Variants in GRIP1 observed in about 807,000 individuals in gnomAD.
The protein encoded by GRIP1 is glutamate receptor interacting protein 1, also known as glutamate receptor-interacting protein 1.
In GRIP1, 45 loss-of-function variants were observed where a neutral mutation model predicts 129.9. That is an observed-to-expected ratio of 0.35 (90% CI 0.27 to 0.44). The LOEUF (loss-of-function observed/expected upper bound fraction) is 0.44. Ranked by LOEUF, GRIP1 falls within the 20% of genes least tolerant of loss-of-function variation. GRIP1 has a pLI of 1.00. For missense variants in GRIP1, 1,196 were observed against 1,396.8 expected, an observed-to-expected ratio of 0.86 and a Z score of 2.29; for synonymous variants, 530 against 520.8, an observed-to-expected ratio of 1.02 and a Z score of -0.24.
intron 1 of GRIP1, among the ~76,000 whole-genome samples, chr12:66,926,156 A>G (rs543178843): frequency 1.6e-5 from 2 of 127,670 alleles, no homozygotes; most frequent in Admixed American, 7.6e-5. Flanking sequence ...CAAAGTCATT[A>G]CCCCACAAAG....
intron 1 of GRIP1, chr12:66,626,580 T>G (rs2030079032): frequency 6.6e-6 from 1 of 152,142 alleles, no homozygotes; most frequent in African/African-American, 2.4e-5. Context: ...TCTGAAAGCA[T>G]TTGCTTAGTT....
intron 4 of GRIP1, among the ~76,000 whole-genome samples, chr12:66,538,584 A>T (rs1227772792): frequency 1.3e-5 from 2 of 152,072 alleles, no homozygotes; most frequent in East Asian, 3.9e-4. Context: ...TGATATAATT[A>T]TTCCATTTTA....
At chr12:66,432,761 G>A (rs200425359) in intron 13 of GRIP1, 133 bp from the exon 14 acceptor site, 24,781 of 650,500 alleles carry the variant, frequency 0.038, 654 homozygotes, top group Non-Finnish European at 0.051. Flanking sequence ...TAAGATGAAG[G>A]CCTTTAAAAT....
intron 1 of GRIP1, among the ~76,000 whole-genome samples, chr12:66,959,390 T>TA (rs926261851): frequency 6.0e-5 from 9 of 151,226 alleles, no homozygotes; most frequent in East Asian, 5.8e-4. Context: ...TGAGCCAATC[T>TA]AAAAAAAAAG....
chr12:66,510,686 G>A (rs560319284), intron 7 of GRIP1, among the ~76,000 whole-genome samples: 2 of 151,838 alleles, frequency 1.3e-5, no homozygotes, highest in South Asian at 4.2e-4. Flanking sequence ...ACAGACCACT[G>A]AATTTGCTAA....
At chr12:67,037,533 T>C (rs1333651276) in intron 1 of GRIP1, 1 of 152,048 alleles carries the variant, frequency 6.6e-6, no homozygotes, top group African/African-American at 2.4e-5. Context: ...AGATTTTGAA[T>C]AAATAGAACT....
intron 1 of GRIP1, among the ~76,000 whole-genome samples, chr12:66,935,026 T>C (rs2041462022): frequency 6.6e-6 from 1 of 152,200 alleles, no homozygotes; most frequent in Non-Finnish European, 1.5e-5. Flanking sequence ...AAGGCTTGAA[T>C]CAGAAACATG....
chr12:66,545,531 CT>C (rs2061922366), intron 2 of GRIP1, among the ~76,000 whole-genome samples: 1 of 152,158 alleles, frequency 6.6e-6, no homozygotes, highest in Non-Finnish European at 1.5e-5. Flanking sequence ...CTGGAAAAAA[CT>C]TAACAAAACT....
chr12:66,911,651 A>G (rs541468537), intron 1 of GRIP1, among the ~76,000 whole-genome samples: 101 of 152,320 alleles, frequency 6.6e-4, no homozygotes, highest in South Asian at 1.4e-3. Context: ...TATGTAGATG[A>G]AATTGGATAT....
intron 1 of GRIP1, among the ~76,000 whole-genome samples, chr12:66,611,290 G>A (rs2064782429): frequency 6.6e-6 from 1 of 152,088 alleles, no homozygotes; most frequent in Admixed American, 6.6e-5. Context: ...TTCCAAGTAT[G>A]AGAGACATTA....
chr12:66,633,363 C>T (rs1380388218), intron 1 of GRIP1, among the ~76,000 whole-genome samples: 3 of 150,230 alleles, frequency 2.0e-5, no homozygotes, highest in South Asian at 2.1e-4. Flanking sequence ...GTTGCCCAGG[C>T]TGGTCTTGAA....
At chr12:66,585,105 CTTTT>C (rs143307283) in intron 2 of GRIP1, among the ~76,000 whole-genome samples, 1 of 113,028 alleles carries the variant, frequency 8.8e-6, no homozygotes, top group Non-Finnish European at 2.0e-5. Flanking sequence ...TTTTTTCCTT[CTTTT>C]TTTTTATTAT....
At chr12:66,366,057 G>T (rs2055124725) in intron 23 of GRIP1, among the ~76,000 whole-genome samples, 1 of 152,178 alleles carries the variant, frequency 6.6e-6, no homozygotes, top group Admixed American at 6.5e-5. Context: ...AAGAGAAGCA[G>T]ATCTAGCAAA....
Position 66,347,895 on chromosome 12 carries a change from A to C in GRIP1, c.*1124T>G, listed in dbSNP as rs1412769479. 6.6e-6 allele frequency: 1 copy of C among 152,136 alleles called. No individual in the cohort carries two copies. Among genetic ancestry groups the C allele is most frequent in the African/African-American group, 2.4e-5 (1 of 41,404 alleles). 9.4% of individuals were successfully genotyped at this position (152,136 alleles called of 1,614,324 possible). A position where few individuals can be genotyped will look rare whatever the true frequency, so the allele number is the denominator to read the frequency against. On this transcript the variant is annotated 3_prime_UTR_variant, in exon 25 of 25. Coordinates refer to ENST00000359742, the MANE Select transcript of GRIP1 (RefSeq NM_001366722.1). ...TGGAGAGTCTACCATCAATATACAG[A>C]TCTATTTATTTTTTTATGTTCACCA...
chr12:66,515,563 G>A, intron 7 of GRIP1, 56 bp downstream of exon 7: 1 of 1,492,486 alleles, frequency 6.7e-7, no homozygotes, highest in Non-Finnish European at 9.3e-7. Context: ...GGTTTATCAG[G>A]GACAGACAGT....
chr12:66,389,251 C>T (rs1166576630), intron 19 of GRIP1, among the ~76,000 whole-genome samples: 19 of 152,046 alleles, frequency 1.2e-4, no homozygotes, highest in Admixed American at 1.1e-3. Context: ...TTTTTTGAGA[C>T]GTAGTCTTGT....
intron 13 of GRIP1, among the ~76,000 whole-genome samples, chr12:66,433,019 G>C (rs1302098218): frequency 6.6e-6 from 1 of 152,096 alleles, no homozygotes; most frequent in Non-Finnish European, 1.5e-5. Context: ...AAGAACCTTA[G>C]GTCCTATTAT....
chr12:66,868,872 TGAG>T (rs1335186479), intron 1 of GRIP1, among the ~76,000 whole-genome samples: 1 of 152,050 alleles, frequency 6.6e-6, no homozygotes, highest in Admixed American at 6.6e-5. Flanking sequence ...CAGCGAAACA[TGAG>T]GACAAAATGT....
At chr12:66,510,109 T>C (rs182865539) in intron 7 of GRIP1, among the ~76,000 whole-genome samples, 1 of 152,316 alleles carries the variant, frequency 6.6e-6, no homozygotes, top group East Asian at 1.9e-4. Flanking sequence ...TTGTTCACAA[T>C]TTATTGAGCA....
Sources: allele counts gnomAD v4.1 joint callset (sites outside exome capture counted in the v4.1 genomes callset), GRCh38; gene constraint gnomAD v4.1.1; transcripts MANE v1.5; gene names NCBI Gene and HGNC (gene_info 2026-07-23, HGNC 2026-07-21).